The following RABL2B variants were observed in gnomAD, a reference collection of about 807,000 sequenced individuals.
The protein encoded by RABL2B is RAB, member of RAS oncogene family like 2B.
In RABL2B, 17 loss-of-function variants were observed where a neutral mutation model predicts 26.7. The ratio of observed to expected loss-of-function variants is 0.64; its 90% CI spans 0.44 to 0.95. The LOEUF is 0.95. Ranked by LOEUF, RABL2B falls within the 40% of genes least tolerant of loss-of-function variation. The probability of loss-of-function intolerance (pLI) is 0.00; values close to 1 mark genes in which losing one functional copy is unlikely to be tolerated. For synonymous variants in RABL2B, 70 were observed against 103.9 expected (o/e 0.67, Z 1.99); for missense variants, 170 against 277.2 (o/e 0.61, Z 2.75).
chr22:50,770,837 A>C (rs1207020355), intron 5 of RABL2B, among the ~76,000 whole-genome samples: 1 of 150,896 alleles, frequency 6.6e-6, no homozygotes, highest in Non-Finnish European at 1.5e-5. Context: ...GTAACCTCAA[A>C]ACTCCTGGGC....
In RABL2B at chr22:50,783,556, G is replaced by A. The variant is rs1555932506; in HGVS notation, c.-109C>T. ...AGGGACGCTGCGGGTCGGCCCCTCG[G>A]GCCCTGCCGCCAGTCTGGACTCTGC... On this transcript the variant is annotated 5_prime_UTR_variant, in exon 1 of 9. Coordinates refer to ENST00000691320, the MANE Select transcript of RABL2B (RefSeq NM_001130919.3). The A allele has an allele frequency of 2.0e-5, 3 of 152,088 alleles. No individual in the cohort carries two copies. Among genetic ancestry groups the A allele is most frequent in the Admixed American group, 1.3e-4 (2 of 15,292 alleles). 9.4% of individuals were successfully genotyped at this position (152,088 alleles called of 1,614,324 possible). A position where few individuals can be genotyped will look rare whatever the true frequency, so the allele number is the denominator to read the frequency against.
At chr22:50,776,605 A>G in intron 4 of RABL2B, 65 bp downstream of exon 4, 2 of 1,550,722 alleles carry the variant, frequency 1.3e-6, no homozygotes, top group Non-Finnish European at 1.7e-6. Flanking sequence ...ACCTTCCCTC[A>G]CCTCCCCTCG....
At chr22:50,776,500 T>C (rs563494313) in intron 4 of RABL2B, among the ~76,000 whole-genome samples, 170 bp downstream of exon 4, 2 of 152,326 alleles carry the variant, frequency 1.3e-5, no homozygotes, top group East Asian at 3.9e-4. Context: ...CATGCCCCCT[T>C]CCACCCTCCT....
intron 1 of RABL2B, 65 bp from the exon 2 acceptor site, chr22:50,782,412 G>A: frequency 6.6e-7 from 1 of 1,510,796 alleles, no homozygotes; most frequent in Non-Finnish European, 9.0e-7. Flanking sequence ...ATCTCCAGCT[G>A]TACCTCCCTC....
intron 5 of RABL2B, among the ~76,000 whole-genome samples, chr22:50,770,890 CATTA>C (rs1241865987): frequency 3.5e-5 from 5 of 141,332 alleles, no homozygotes; most frequent in African/African-American, 8.8e-5. Context: ...AGCACGCACG[CATTA>C]ATTTTTATTT....
intron 1 of RABL2B, chr22:50,783,081 C>A (rs533266420): frequency 0.016 from 2,440 of 156,396 alleles, 69 homozygotes; most frequent in Admixed American, 0.039. Flanking sequence ...AATCCAGCTT[C>A]ATGGCTCCAT....
chr22:50,777,650 TGAG>T (rs202117623), intron 3 of RABL2B: 25,573 of 486,628 alleles, frequency 0.053, 842 homozygotes, highest in Middle Eastern at 0.1. Flanking sequence ...CAGAAGCTAC[TGAG>T]GAGGAGGAGG....
At chr22:50,769,626 A>C in intron 6 of RABL2B, 74 bp from the exon 7 acceptor site, 1 of 1,604,554 alleles carries the variant, frequency 6.2e-7, no homozygotes. Context: ...GGGCCACTGG[A>C]GGCCTTCATT....
intron 5 of RABL2B, among the ~76,000 whole-genome samples, chr22:50,775,499 C>T (rs1281796849): frequency 2.0e-5 from 3 of 152,136 alleles, no homozygotes; most frequent in Non-Finnish European, 2.9e-5. Context: ...CTGTTTCAGG[C>T]ATGTTTGCCT....
chr22:50,776,620 C>T (rs1221827490), intron 4 of RABL2B, 50 bp downstream of exon 4: 2 of 1,564,690 alleles, frequency 1.3e-6, no homozygotes, highest in Non-Finnish European at 1.7e-6. Context: ...CCCTCGTCTC[C>T]CATTTCCTCT....
chr22:50,776,781 A>C, intron 3 of RABL2B, 32 bp from the exon 4 acceptor site: 3 of 1,581,492 alleles, frequency 1.9e-6, no homozygotes, highest in Non-Finnish European at 2.6e-6. Flanking sequence ...AAATCAATAA[A>C]AGGGGAGGTA....
rs1436964682 is a variant in RABL2B at position 50,782,392 on chromosome 22, C to A, written c.-53-45G>T. ...AGAGGCTGTTGTCAGAGATAAGTCCCCTCAACCAAATCTCCAGCTGTACCT... is the reference window on the plus strand; with the variant it reads ...AGAGGCTGTTGTCAGAGATAAGTCCACTCAACCAAATCTCCAGCTGTACCT... On this transcript the variant is annotated intron_variant, in intron 1 of 8. Coordinates refer to ENST00000691320, the MANE Select transcript of RABL2B (RefSeq NM_001130919.3). The A allele has an allele frequency of 1.2e-5, 18 of 1,466,248 alleles. No homozygotes were observed. In the Admixed American group the frequency reaches 3.3e-4, roughly 27 times the overall value. The allele number at this position is 1,466,248 out of a possible 1,614,324, so 90.8% of individuals were successfully genotyped here. A position where few individuals can be genotyped will look rare whatever the true frequency, so the allele number is the denominator to read the frequency against.
intron 5 of RABL2B, among the ~76,000 whole-genome samples, chr22:50,774,968 G>A (rs1197322922): frequency 5.9e-5 from 9 of 152,248 alleles, no homozygotes; most frequent in Non-Finnish European, 1.3e-4. Context: ...TAGTAGAGAC[G>A]GGATTTCACC....
chr22:50,774,649 A>G (rs2147137540), intron 5 of RABL2B, among the ~76,000 whole-genome samples: 1 of 150,148 alleles, frequency 6.7e-6, no homozygotes, highest in Middle Eastern at 3.4e-3. Flanking sequence ...TTTTGTGTTA[A>G]AGCAAGACCT....
chr22:50,774,187 G>A lies in RABL2B; in HGVS notation c.297+1585C>T, dbSNP rs532657842. Among the ~76,000 whole-genome samples, 631 of 152,248 alleles carry A rather than the reference G, an allele frequency of 4.1e-3. 3 individuals carry two copies. The highest frequency in any genetic ancestry group is 0.015 in the African/African-American group (610 of 41,538). ...TGGGATTACAGGCGTGAGCCACCGC[G>A]CCCGGCCCGTGGCAGACTTTATTAA... On this transcript the variant is annotated intron_variant, in intron 5 of 8. Coordinates refer to ENST00000691320, the MANE Select transcript of RABL2B (RefSeq NM_001130919.3).
intron 5 of RABL2B, among the ~76,000 whole-genome samples, chr22:50,770,743 T>C (rs1555917726): frequency 1.3e-5 from 2 of 152,006 alleles, no homozygotes; most frequent in African/African-American, 2.4e-5. Flanking sequence ...AGTTACTATT[T>C]ACTTTTATTT....
At chr22:50,782,616 G>A (rs1603451852) in intron 1 of RABL2B, among the ~76,000 whole-genome samples, 1 of 152,044 alleles carries the variant, frequency 6.6e-6, no homozygotes, top group East Asian at 1.9e-4. Flanking sequence ...CAAAGGCTGT[G>A]TGCAACATTA....
chr22:50,773,172 C>A (rs2084438424), intron 5 of RABL2B: 2 of 1,241,768 alleles, frequency 1.6e-6, no homozygotes, highest in Non-Finnish European at 2.1e-6. Context: ...TGAAACCAAA[C>A]TGGCTAGGAC....
intron 2 of RABL2B, among the ~76,000 whole-genome samples, chr22:50,781,081 C>T (rs1412343193): frequency 1.3e-5 from 2 of 152,082 alleles, no homozygotes; most frequent in Non-Finnish European, 2.9e-5. Context: ...TGGCTCATGC[C>T]TATAATCCCA....
Sources: gnomAD v4.1 joint callset for allele counts (sites outside exome capture counted in the v4.1 genomes callset) on GRCh38, gnomAD v4.1.1 for gene constraint, MANE v1.5 for transcripts, NCBI Gene and HGNC (gene_info 2026-07-23, HGNC 2026-07-21) for gene names.